LRRTM4: variants seen among roughly 807,000 people sequenced by gnomAD.
LRRTM4 encodes leucine-rich repeat transmembrane neuronal protein 4.
Under a neutral mutation model 47.6 loss-of-function variants are expected in LRRTM4, and 25 were observed. The ratio of observed to expected loss-of-function variants is 0.53; its 90% confidence interval spans 0.38 to 0.73. The LOEUF (loss-of-function observed/expected upper bound fraction) is 0.73. LRRTM4 is among the 30% of genes least tolerant of loss of function. LRRTM4 has a pLI of 0.00. For synonymous variants in LRRTM4, 311 were observed against 269.5 expected (o/e 1.15, Z -1.51); for missense variants, 638 against 713.4 (o/e 0.89, Z 1.20).
intron 1 of LRRTM4, 71 bp from the exon 2 acceptor site, chr2:77,521,889 A>ATG (rs60991094): frequency 8.5e-6 from 3 of 352,692 alleles, no homozygotes; most frequent in African/African-American, 6.6e-5. Context: ...ATATATATAT[A>ATG]AAAAATCAGC....
At chr2:77,363,265 T>C (rs1440717133) in intron 3 of LRRTM4, among the ~76,000 whole-genome samples, 2 of 152,156 alleles carry the variant, frequency 1.3e-5, no homozygotes, top group African/African-American at 2.4e-5. Context: ...GTAGTTGTCA[T>C]TGGCTATATA....
intron 3 of LRRTM4, among the ~76,000 whole-genome samples, chr2:77,475,865 C>T (rs1271224333): frequency 2.6e-5 from 4 of 151,632 alleles, no homozygotes; most frequent in African/African-American, 9.7e-5. Context: ...TTTCTTTTTT[C>T]CCTCAGATTG....
chr2:77,114,386 T>C lies in LRRTM4; in HGVS notation c.1552-365470A>G, dbSNP rs187310874. Reference sequence around the variant, plus strand: ...AATACCTCCTTGTTTTAACAGGAGTTTAATATAGCAGAGATGAGCATGATG... The same window carrying C: ...AATACCTCCTTGTTTTAACAGGAGTCTAATATAGCAGAGATGAGCATGATG... On this transcript the variant is annotated intron_variant, in intron 3 of 3. Coordinates refer to ENST00000409884, the MANE Select transcript of LRRTM4 (RefSeq NM_001134745.3). 3.9e-5 allele frequency among the ~76,000 whole-genome samples: 6 copies of C among 152,222 alleles called. No homozygotes were observed. The East Asian group carries it at 1.2e-3, about 29-fold the overall frequency.
chr2:77,262,581 G>T (rs1163328960), intron 3 of LRRTM4, among the ~76,000 whole-genome samples: 2 of 150,950 alleles, frequency 1.3e-5, no homozygotes, highest in Non-Finnish European at 2.9e-5. Flanking sequence ...GATAGACTGT[G>T]AGTCTCTCAG....
In LRRTM4 at chr2:77,313,454, A is replaced by G. The variant is rs1327754235; in HGVS notation, c.1551+204864T>C. ...GATGTACCTCCCTACGTTTTCCTGTAATCCTGTTGCTGTGATGTACCTCCC... is the reference window on the plus strand; with the variant it reads ...GATGTACCTCCCTACGTTTTCCTGTGATCCTGTTGCTGTGATGTACCTCCC... On this transcript the variant is annotated intron_variant, in intron 3 of 3. Coordinates refer to ENST00000409884, the MANE Select transcript of LRRTM4 (RefSeq NM_001134745.3). Among the ~76,000 whole-genome samples the G allele has an allele frequency of 9.8e-4, 87 of 88,870 alleles. No homozygotes were observed. In the East Asian group the frequency reaches 0.014, roughly 15 times the overall value. 58.3% of individuals were successfully genotyped at this position (88,870 alleles called of 152,430 possible).
intron 3 of LRRTM4, among the ~76,000 whole-genome samples, chr2:77,371,689 T>A (rs1472852432): frequency 6.6e-6 from 1 of 151,724 alleles, no homozygotes; most frequent in Non-Finnish European, 1.5e-5. Context: ...ACTACACTAA[T>A]TAACCTTATT....
intron 3 of LRRTM4, among the ~76,000 whole-genome samples, chr2:76,978,156 T>C (rs1446713): frequency 2.8e-4 from 43 of 151,740 alleles, no homozygotes; most frequent in Non-Finnish European, 1.9e-4. Context: ...AGCCTTCCCA[T>C]ACTATTCTCC....
At chr2:76,845,788 G>A (rs62173095) in intron 3 of LRRTM4, among the ~76,000 whole-genome samples, 68,201 of 151,758 alleles carry the variant, frequency 0.45, 16,127 homozygotes, top group East Asian at 0.69. Context: ...TAGGGCTTTG[G>A]TAAGGAATAG....
At chr2:77,088,701 G>A (rs1384786851) in intron 3 of LRRTM4, among the ~76,000 whole-genome samples, 1 of 152,110 alleles carries the variant, frequency 6.6e-6, no homozygotes, top group Non-Finnish European at 1.5e-5. Context: ...TTGGATCAGG[G>A]GACTTCCCCT....
In LRRTM4 at chr2:76,850,173, G is replaced by A. The variant is rs138773898; in HGVS notation, c.1552-101257C>T. Among the ~76,000 whole-genome samples, 632 of 152,048 alleles carry A rather than the reference G, an allele frequency of 4.2e-3. 1 individual carries two copies. The highest frequency in any genetic ancestry group is 9.0e-3 in the Admixed American group (138 of 15,266). On this transcript the variant is annotated intron_variant, in intron 3 of 3. Coordinates refer to ENST00000409884, the MANE Select transcript of LRRTM4 (RefSeq NM_001134745.3). Reference sequence around the variant, plus strand: ...ATTACTTTCTCCAAACTAGATTTTTGGTTTGTTTTTTTCTGCTGTCCATAC... The same window carrying A: ...ATTACTTTCTCCAAACTAGATTTTTAGTTTGTTTTTTTCTGCTGTCCATAC...
Position 77,152,780 on chromosome 2 carries a change from T to C in LRRTM4, c.1551+365538A>G, listed in dbSNP as rs965246961. Among the ~76,000 whole-genome samples the C allele has an allele frequency of 1.0e-3, 159 of 152,198 alleles. 1 individual carries two copies. The highest frequency in any genetic ancestry group is 3.5e-3 in the African/African-American group (147 of 41,452). ...GGTGCTAAGTATTCATCATTTTTCTTCTATTTAACCCCCACCCTTTTTATT... is the reference window on the plus strand; with the variant it reads ...GGTGCTAAGTATTCATCATTTTTCTCCTATTTAACCCCCACCCTTTTTATT... On this transcript the variant is annotated intron_variant, in intron 3 of 3. Coordinates refer to ENST00000409884, the MANE Select transcript of LRRTM4 (RefSeq NM_001134745.3).
chr2:76,839,884 G>A (rs1040808648), intron 3 of LRRTM4, among the ~76,000 whole-genome samples: 1 of 151,958 alleles, frequency 6.6e-6, no homozygotes, highest in African/African-American at 2.4e-5. Flanking sequence ...AAAGGCCAGT[G>A]TCTTATTGGG....
chr2:77,363,729 T>G (rs1008421011), intron 3 of LRRTM4, among the ~76,000 whole-genome samples: 1 of 152,180 alleles, frequency 6.6e-6, no homozygotes, highest in African/African-American at 2.4e-5. Context: ...GAATTTACCT[T>G]AAATAATTGA....
In LRRTM4 at chr2:77,094,550, A is replaced by C. The variant is rs561489232; in HGVS notation, c.1552-345634T>G. On this transcript the variant is annotated intron_variant, in intron 3 of 3. Coordinates refer to ENST00000409884, the MANE Select transcript of LRRTM4 (RefSeq NM_001134745.3). ...ATATATTATAATGCTATTGTAATAGAAATAGTATGATACAGCCATAAATAT... is the reference window on the plus strand; with the variant it reads ...ATATATTATAATGCTATTGTAATAGCAATAGTATGATACAGCCATAAATAT... Among the ~76,000 whole-genome samples, 14 of 152,324 alleles carry C rather than the reference A, an allele frequency of 9.2e-5. No individual in the cohort carries two copies. The South Asian group carries it at 1.2e-3, about 14-fold the overall frequency.
intron 3 of LRRTM4, among the ~76,000 whole-genome samples, chr2:76,905,612 G>A (rs981907391): frequency 1.1e-4 from 17 of 148,742 alleles, no homozygotes; most frequent in African/African-American, 2.0e-4. Context: ...AAATTTAGAC[G>A]AATGTATAAC....
At chr2:77,005,808 C>G (rs1237455496) in intron 3 of LRRTM4, among the ~76,000 whole-genome samples, 3 of 152,242 alleles carry the variant, frequency 2.0e-5, no homozygotes, top group South Asian at 2.1e-4. Flanking sequence ...ATTACTCACT[C>G]TCAGGTATGT....
At chr2:76,762,436 C>T (rs1481940121) in intron 3 of LRRTM4, among the ~76,000 whole-genome samples, 1 of 152,120 alleles carries the variant, frequency 6.6e-6, no homozygotes, top group African/African-American at 2.4e-5. Context: ...ATTCTACCCT[C>T]ACCTCTCAAA....
intron 3 of LRRTM4, among the ~76,000 whole-genome samples, chr2:77,071,099 C>G (rs1680140572): frequency 6.6e-6 from 1 of 152,014 alleles, no homozygotes; most frequent in Admixed American, 6.6e-5. Flanking sequence ...TAGGTAAACA[C>G]AAGAGGATAA....
chr2:77,436,710 C>A, intron 3 of LRRTM4, among the ~76,000 whole-genome samples: 1 of 151,676 alleles, frequency 6.6e-6, no homozygotes, highest in South Asian at 2.1e-4. Context: ...GAAGTAAAGA[C>A]ATAACCAATA....
Sources: gnomAD v4.1 joint callset for allele counts (sites outside exome capture counted in the v4.1 genomes callset) on GRCh38, gnomAD v4.1.1 for gene constraint, MANE v1.5 for transcripts, NCBI Gene and HGNC (gene_info 2026-07-23, HGNC 2026-07-21) for gene names.